The following SAR1B variants were observed in gnomAD, a reference collection of about 807,000 sequenced individuals.
SAR1B encodes small COPII coat GTPase SAR1B.
Under a neutral mutation model 26.8 loss-of-function variants are expected in SAR1B, and 23 were observed. The ratio of observed to expected loss-of-function variants is 0.86; its 90% CI spans 0.62 to 1.22. SAR1B has a LOEUF of 1.22. Among genes scored for constraint, SAR1B ranks in the 50% most tolerant of loss-of-function variants. The pLI, the probability that SAR1B is intolerant of heterozygous loss-of-function variation, is 0.00. For synonymous variants in SAR1B, 65 were observed against 80.8 expected (o/e 0.80, Z 1.05); for missense variants, 196 against 232.8 (o/e 0.84, Z 1.03).
intron 1 of SAR1B, among the ~76,000 whole-genome samples, chr5:134,626,094 T>C (rs1156771954): frequency 1.4e-5 from 2 of 147,608 alleles, no homozygotes; most frequent in Non-Finnish European, 3.0e-5. Flanking sequence ...AGGTCAGGAG[T>C]TCAAGATCAG....
At position 134,601,871 on chromosome 5, in the gene SAR1B, C is replaced by A; in HGVS notation, c.*5079G>T. Reference sequence around the variant, plus strand: ...CAAGCCTGGACAACATGGTGAAACCCTGTCTCTACTAACAATACAAATATT... The same window carrying A: ...CAAGCCTGGACAACATGGTGAAACCATGTCTCTACTAACAATACAAATATT... On this transcript the variant is annotated 3_prime_UTR_variant, in exon 7 of 7. Coordinates refer to ENST00000402673, the MANE Select transcript of SAR1B (RefSeq NM_016103.4). 6.6e-6 allele frequency: 1 copy of A among 152,344 alleles called. No individual in the cohort carries two copies. 9.4% of individuals were successfully genotyped at this position (152,344 alleles called of 1,614,324 possible). A position where few individuals can be genotyped will look rare whatever the true frequency, so the allele number is the denominator to read the frequency against.
chr5:134,609,936 A>G lies in SAR1B; in HGVS notation c.245-262T>C, dbSNP rs539472702. 2.6e-4 allele frequency among the ~76,000 whole-genome samples: 39 copies of G among 150,668 alleles called. No homozygotes were observed. The Middle Eastern group carries it at 0.01, about 39-fold the overall frequency. On this transcript the variant is annotated intron_variant, in intron 4 of 6. Coordinates refer to ENST00000402673, the MANE Select transcript of SAR1B (RefSeq NM_016103.4). The stretch of plus-strand genomic sequence containing the variant: ...ATATGTAAGGAGTAGAATATTTAAA[A>G]TAAAAATAAAAATAAAAAAAAATAC...
intron 1 of SAR1B, among the ~76,000 whole-genome samples, chr5:134,625,623 T>C (rs1382438869): frequency 2.0e-5 from 3 of 151,904 alleles, no homozygotes; most frequent in Non-Finnish European, 2.9e-5. Context: ...GAAGAGAATA[T>C]AGGGGGTTCA....
intron 6 of SAR1B, among the ~76,000 whole-genome samples, chr5:134,607,563 A>T (rs1365906198): frequency 6.6e-6 from 1 of 152,030 alleles, no homozygotes; most frequent in African/African-American, 2.4e-5. Flanking sequence ...ACCTGAGGTC[A>T]GGAGTTCGAG....
chr5:134,612,798 C>T (rs773287262), intron 3 of SAR1B, 42 bp from the exon 4 acceptor site: 7 of 1,545,620 alleles, frequency 4.5e-6, no homozygotes. Context: ...AAATTAGAAA[C>T]CCATTAATCG....
intron 1 of SAR1B, among the ~76,000 whole-genome samples, chr5:134,628,820 A>AT (rs1765545050): frequency 6.6e-6 from 1 of 151,816 alleles, no homozygotes; most frequent in Non-Finnish European, 1.5e-5. Context: ...AGCCCAGCTA[A>AT]TTTTTTTGTA....
At chr5:134,612,378 A>G (rs1765228188) in intron 4 of SAR1B, among the ~76,000 whole-genome samples, 1 of 152,168 alleles carries the variant, frequency 6.6e-6, no homozygotes, top group Non-Finnish European at 1.5e-5. Flanking sequence ...ATGAGATTTC[A>G]TGCACTAGAA....
intron 2 of SAR1B, among the ~76,000 whole-genome samples, chr5:134,623,654 G>A (rs1765450344): frequency 6.6e-6 from 1 of 152,020 alleles, no homozygotes; most frequent in Non-Finnish European, 1.5e-5. Flanking sequence ...AAAGCATATA[G>A]GTAAACTAGC....
In SAR1B at chr5:134,603,198, G is replaced by A. The variant is rs1408338091; in HGVS notation, c.*3752C>T. 6.6e-6 allele frequency: 1 copy of A among 152,136 alleles called. No homozygotes were observed. The highest frequency in any genetic ancestry group is 1.5e-5 in the Non-Finnish European group (1 of 68,006). The allele number at this position is 152,136 out of a possible 1,614,324, so 9.4% of individuals were successfully genotyped here. A position where few individuals can be genotyped will look rare whatever the true frequency, so the allele number is the denominator to read the frequency against. ...TATGTAGCTATTCTCAGTGCACTCT[G>A]GTCAAATTTTACTTGGCAATAAATC... On this transcript the variant is annotated 3_prime_UTR_variant, in exon 7 of 7. Coordinates refer to ENST00000402673, the MANE Select transcript of SAR1B (RefSeq NM_016103.4).
At chr5:134,623,938 T>C in intron 2 of SAR1B, 24 bp downstream of exon 2, 2 of 1,519,476 alleles carry the variant, frequency 1.3e-6, no homozygotes, top group Non-Finnish European at 1.8e-6. Flanking sequence ...GGGATAACTG[T>C]AGAGAACAAA....
rs1765036748 is a variant in SAR1B at position 134,601,701 on chromosome 5, C to T, written c.*5249G>A. 2 of 152,184 alleles carry T rather than the reference C, an allele frequency of 1.3e-5. No individual in the cohort carries two copies. The highest frequency in any genetic ancestry group is 4.8e-5 in the African/African-American group (2 of 41,432). The allele number at this position is 152,184 out of a possible 1,614,324, so 9.4% of individuals were successfully genotyped here. On this transcript the variant is annotated 3_prime_UTR_variant, in exon 7 of 7. Transcript: ENST00000402673. Reference sequence around the variant, plus strand: ...GAAAACCTGTATGTCAAAAACAGAACTGTTCCTGCCTTTCACCCCAAAATA... The same window carrying T: ...GAAAACCTGTATGTCAAAAACAGAATTGTTCCTGCCTTTCACCCCAAAATA...
chr5:134,621,244 C>T (rs955802748), intron 2 of SAR1B, among the ~76,000 whole-genome samples, 192 bp from the exon 3 acceptor site: 3 of 152,082 alleles, frequency 2.0e-5, no homozygotes, highest in East Asian at 1.9e-4. Context: ...CCGAGGTGGG[C>T]GGATCACCTG....
intron 4 of SAR1B, among the ~76,000 whole-genome samples, chr5:134,611,746 G>A (rs1030391684): frequency 1.1e-4 from 16 of 152,118 alleles, no homozygotes; most frequent in Non-Finnish European, 1.9e-4. Flanking sequence ...CAGGGCATAC[G>A]CTGGGGCCTA....
rs533177517 is a variant in SAR1B, at chr5:134,627,348, G to A, written c.-18-3311C>T. Among the ~76,000 whole-genome samples the A allele has an allele frequency of 4.7e-5, 7 of 149,844 alleles. No homozygotes were observed. The South Asian group carries it at 8.7e-4, about 19-fold the overall frequency. On this transcript the variant is annotated intron_variant, in intron 1 of 6. Transcript: ENST00000402673. The stretch of plus-strand genomic sequence containing the variant: ...TTACAGGCGTGAGCCACCGCGCCCC[G>A]CCACTTTTTATTTTTTTGACAGAGT...
In SAR1B at chr5:134,602,588, G is replaced by A. The variant is rs1436393825; in HGVS notation, c.*4362C>T. ...TGGAAATGACCGGAAGCTTCAACAT[G>A]TAGTTTTAGGCTGGGCACAGTGGCT... On this transcript the variant is annotated 3_prime_UTR_variant, in exon 7 of 7. Coordinates refer to ENST00000402673, the MANE Select transcript of SAR1B (RefSeq NM_016103.4). The A allele has an allele frequency of 1.3e-5, 2 of 152,156 alleles. No individual in the cohort carries two copies. Among genetic ancestry groups the A allele is most frequent in the South Asian group, 2.1e-4 (1 of 4,828 alleles). 9.4% of individuals were successfully genotyped at this position (152,156 alleles called of 1,614,324 possible).
At chr5:134,623,151 T>C (rs1194459611) in intron 2 of SAR1B, among the ~76,000 whole-genome samples, 2 of 141,430 alleles carry the variant, frequency 1.4e-5, no homozygotes, top group Non-Finnish European at 3.1e-5. Context: ...AAGAAAAAAC[T>C]GTAGCAAGGC....
intron 3 of SAR1B, among the ~76,000 whole-genome samples, chr5:134,617,359 T>C (rs1393994368): frequency 6.6e-6 from 1 of 152,208 alleles, no homozygotes; most frequent in Non-Finnish European, 1.5e-5. Context: ...AACTGCCAGA[T>C]CATAGGATAT....
intron 2 of SAR1B, among the ~76,000 whole-genome samples, chr5:134,622,590 T>G (rs1765428818): frequency 6.6e-6 from 1 of 151,290 alleles, no homozygotes; most frequent in Non-Finnish European, 1.5e-5. Flanking sequence ...TTTTGTATTT[T>G]TAGTAGAGAC....
At chr5:134,627,841 T>TAAAA (rs1554134236) in intron 1 of SAR1B, among the ~76,000 whole-genome samples, 8 of 113,288 alleles carry the variant, frequency 7.1e-5, no homozygotes, top group Non-Finnish European at 1.3e-4. Context: ...AATAAATAAA[T>TAAAA]AAAACCACAC....
Sources: gnomAD v4.1 joint callset for allele counts (sites outside exome capture counted in the v4.1 genomes callset) on GRCh38, gnomAD v4.1.1 for gene constraint, MANE v1.5 for transcripts, NCBI Gene and HGNC (gene_info 2026-07-23, HGNC 2026-07-21) for gene names.